The following ALPK2 variants were observed in gnomAD, a reference collection of about 807,000 sequenced individuals.
ALPK2 encodes alpha kinase 2.
In ALPK2, 127 loss-of-function variants were observed where a neutral mutation model predicts 163.1. The observed-to-expected ratio is 0.78, with a 90% CI of 0.67 to 0.90. The LOEUF (loss-of-function observed/expected upper bound fraction) is 0.90, where lower values mean the gene tolerates loss of function less well. Ranked by LOEUF, ALPK2 falls within the 40% of genes least tolerant of loss-of-function variation. The probability of loss-of-function intolerance (pLI) is 0.00; values close to 1 mark genes in which losing one functional copy is unlikely to be tolerated. For synonymous variants in ALPK2, 953 were observed against 959.1 expected, an observed-to-expected ratio of 0.99 and a Z score of 0.12; for missense variants, 2,360 against 2,589.6, an observed-to-expected ratio of 0.91 and a Z score of 1.92.
chr18:58,518,648 A>G (rs2051534589), intron 8 of ALPK2, among the ~76,000 whole-genome samples: 1 of 152,206 alleles, frequency 6.6e-6, no homozygotes. Context: ...TCCCCCTTCT[A>G]CCAGGAAGAA....
intron 4 of ALPK2, 60 bp from the exon 5 acceptor site, chr18:58,538,284 T>TA: frequency 7.0e-7 from 1 of 1,426,646 alleles, no homozygotes; most frequent in Non-Finnish European, 9.6e-7. Flanking sequence ...CAATAGGGCA[T>TA]AACTGCAATC....
Position 58,579,900 on chromosome 18 carries a change from G to A in ALPK2, c.876C>T (p.Asn292=), listed in dbSNP as rs376562472. 2 of 1,614,168 alleles carry A rather than the reference G, an allele frequency of 1.2e-6. No homozygotes were observed. Among genetic ancestry groups the A allele is most frequent in the Middle Eastern group, 1.6e-4 (1 of 6,062 alleles). The change falls in exon 4 of 13, where the codon AAC becomes AAT. Residue 292 remains asparagine (N), a synonymous_variant. Coordinates refer to ENST00000361673, the MANE Select transcript of ALPK2 (RefSeq NM_052947.4). ...HIYPGDSAVA[N]KQPSPQLSSE... is the part of the protein sequence containing the mutation. The stretch of plus-strand genomic sequence containing the variant: ...TGGAAAGCTGTGGGCTGGGTTGTTT[G>A]TTGGCCACGGCACTGTCACCTGGGT...
chr18:58,585,267 T>TA (rs2051979548), intron 3 of ALPK2, among the ~76,000 whole-genome samples: 1 of 152,198 alleles, frequency 6.6e-6, no homozygotes, highest in Admixed American at 6.5e-5. Flanking sequence ...CACATTACAA[T>TA]AAAAAATTTT....
chr18:58,620,157 G>T (rs2052190772), intron 1 of ALPK2, among the ~76,000 whole-genome samples: 1 of 152,206 alleles, frequency 6.6e-6, no homozygotes, highest in Admixed American at 6.5e-5. Context: ...CGGGCATGGT[G>T]TCGGGTGCAT....
At chr18:58,539,475 A>C (rs1316075245) in intron 4 of ALPK2, among the ~76,000 whole-genome samples, 1 of 152,200 alleles carries the variant, frequency 6.6e-6, no homozygotes, top group Non-Finnish European at 1.5e-5. Flanking sequence ...TCTTTGACTA[A>C]ATCCTTGTCT....
chr18:58,509,823 A>G (rs1245312106), intron 10 of ALPK2, among the ~76,000 whole-genome samples: 12 of 150,856 alleles, frequency 8.0e-5, no homozygotes, highest in African/African-American at 1.2e-4. Context: ...ATTTTCTCCC[A>G]TGCTGTAGGT....
intron 1 of ALPK2, among the ~76,000 whole-genome samples, chr18:58,618,652 G>A (rs543477432): frequency 6.6e-6 from 1 of 152,194 alleles, no homozygotes; most frequent in Non-Finnish European, 1.5e-5. Flanking sequence ...TTTAACATTG[G>A]CAAGATGAAA....
chr18:58,573,574 C>CAACACTTTT (rs1260315623), intron 4 of ALPK2, among the ~76,000 whole-genome samples: 2 of 142,760 alleles, frequency 1.4e-5, no homozygotes, highest in East Asian at 4.3e-4. Context: ...GGAACTCTGC[C>CAACACTTTT]AACACTTTTA....
chr18:58,597,040 C>A (rs1178533800), intron 3 of ALPK2, among the ~76,000 whole-genome samples: 1 of 152,138 alleles, frequency 6.6e-6, no homozygotes, highest in Non-Finnish European at 1.5e-5. Context: ...GTAATCCCAG[C>A]ACTTTGAGAG....
At chr18:58,501,436 G>C (rs1478428235) in intron 11 of ALPK2, among the ~76,000 whole-genome samples, 1 of 152,212 alleles carries the variant, frequency 6.6e-6, no homozygotes, top group African/African-American at 2.4e-5. Context: ...AGTGAAGTCT[G>C]ACTTAAATTT....
At chr18:58,566,260 T>C (rs1282053188) in intron 4 of ALPK2, among the ~76,000 whole-genome samples, 1 of 152,252 alleles carries the variant, frequency 6.6e-6, no homozygotes, top group Non-Finnish European at 1.5e-5. Flanking sequence ...TGTGTCAGCA[T>C]TGAAGCACTT....
chr18:58,619,807 G>A (rs78836759), intron 1 of ALPK2, among the ~76,000 whole-genome samples: 2,823 of 152,232 alleles, frequency 0.019, 40 homozygotes, highest in East Asian at 0.078. Flanking sequence ...ATCTTCCCAA[G>A]AGAAATGAAA....
chr18:58,483,861 G>A (rs564159539), intron 12 of ALPK2, among the ~76,000 whole-genome samples: 9 of 151,820 alleles, frequency 5.9e-5, no homozygotes, highest in African/African-American at 1.4e-4. Flanking sequence ...CACCATGCCC[G>A]GCCCTTGCTC....
At chr18:58,590,256 C>CTGGAATTT (rs1684427365) in intron 3 of ALPK2, among the ~76,000 whole-genome samples, 1 of 149,908 alleles carries the variant, frequency 6.7e-6, no homozygotes, top group Admixed American at 6.6e-5. Flanking sequence ...GGAATTATCT[C>CTGGAATTT]TGGAATTTAG....
In ALPK2 at chr18:58,535,409, T is replaced by C. The variant is rs760588655; in HGVS notation, c.4778A>G (p.Asn1593Ser). 6.2e-7 allele frequency: 1 copy of C among 1,614,200 alleles called. No homozygotes were observed. Among genetic ancestry groups the C allele is most frequent in the Non-Finnish European group, 8.5e-7 (1 of 1,180,024 alleles). The change falls in exon 5 of 13, where the codon AAT becomes AGT. Residue 1593 changes from asparagine to serine, a missense_variant. Transcript: ENST00000361673. ...AGAGGGCAAAGGTTTCCCACGCTCA[T>C]TCTCAATAGTTCCCCTTTTCTGTGA... Reference protein sequence around the residue: ...PVSQKRGTIENERGKPLPSSP... With the variant: ...PVSQKRGTIESERGKPLPSSP...
At chr18:58,516,880 G>C (rs146583491) in intron 9 of ALPK2, 28 bp downstream of exon 9, 1 of 1,603,640 alleles carries the variant, frequency 6.2e-7, no homozygotes, top group Non-Finnish European at 8.5e-7. Flanking sequence ...CACACCAGAA[G>C]TGACAGCCTT....
chr18:58,530,022 A>G (rs1194234081), intron 5 of ALPK2, among the ~76,000 whole-genome samples: 1 of 152,248 alleles, frequency 6.6e-6, no homozygotes. Context: ...ATTACTGCAG[A>G]TGTGTGAGTC....
chr18:58,496,788 C>A (rs893376884), intron 12 of ALPK2, among the ~76,000 whole-genome samples: 2 of 152,158 alleles, frequency 1.3e-5, no homozygotes, highest in African/African-American at 4.8e-5. Context: ...CCTCTCAGGG[C>A]TGCCATATTC....
chr18:58,557,230 G>A (rs897317409), intron 4 of ALPK2: 10 of 152,314 alleles, frequency 6.6e-5, no homozygotes, highest in African/African-American at 2.2e-4. Context: ...GGGGCTCATG[G>A]GTGACCAGTG....
Sources: gnomAD v4.1 joint callset for allele counts (sites outside exome capture counted in the v4.1 genomes callset) on GRCh38, gnomAD v4.1.1 for gene constraint, MANE v1.5 for transcripts, NCBI Gene and HGNC (gene_info 2026-07-23, HGNC 2026-07-21) for gene names.